ESYT2: variants seen among roughly 807,000 people sequenced by gnomAD.
The protein encoded by ESYT2 is extended synaptotagmin-2.
A neutral mutation model predicts 107.2 loss-of-function variants in ESYT2; 54 were observed. The ratio of observed to expected loss-of-function variants is 0.50; its 90% CI spans 0.40 to 0.63. The LOEUF (loss-of-function observed/expected upper bound fraction) is 0.63. Ranked by LOEUF, ESYT2 falls within the 30% of genes least tolerant of loss-of-function variation. The pLI is 0.00. For synonymous variants in ESYT2, 491 were observed against 434.1 expected, an observed-to-expected ratio of 1.13 and a Z score of -1.63; for missense variants, 1,020 against 1,094.5, an observed-to-expected ratio of 0.93 and a Z score of 0.96.
chr7:158,811,896 G>A (rs1840003809), intron 1 of ESYT2, among the ~76,000 whole-genome samples: 1 of 152,240 alleles, frequency 6.6e-6, no homozygotes, highest in Non-Finnish European at 1.5e-5. Context: ...AGAGGAATTT[G>A]CTAAATTCCT....
intron 1 of ESYT2, among the ~76,000 whole-genome samples, chr7:158,815,937 T>C (rs1241929896): frequency 6.6e-6 from 1 of 152,192 alleles, no homozygotes; most frequent in Non-Finnish European, 1.5e-5. Flanking sequence ...TCCTGGCTCC[T>C]GAATACTCCA....
In ESYT2 at chr7:158,829,195, C is replaced by A. The variant is rs1349254365; in HGVS notation, c.224G>T (p.Arg75Leu). The change falls in exon 1 of 23, where the codon CGC becomes CTC. Residue 75 changes from arginine to leucine, a missense_variant. Transcript: ENST00000275418. ...GCGCAGGGCCTTGAGGCCGCGGCTGCGGCGACACCAGGCGAGCAGCGCGAG... is the reference window on the plus strand; with the variant it reads ...GCGCAGGGCCTTGAGGCCGCGGCTGAGGCGACACCAGGCGAGCAGCGCGAG... ...LALALLAWCR[R>L]SRGLKALRLC... The A allele has an allele frequency of 2.6e-6, 4 of 1,533,466 alleles. No homozygotes were observed. Among genetic ancestry groups the A allele is most frequent in the Non-Finnish European group, 3.5e-6 (4 of 1,148,072 alleles). 95.0% of individuals were successfully genotyped at this position (1,533,466 alleles called of 1,614,324 possible). A position where few individuals can be genotyped will look rare whatever the true frequency, so the allele number is the denominator to read the frequency against.
At chr7:158,782,591 T>C (rs1838942474) in intron 6 of ESYT2, among the ~76,000 whole-genome samples, 1 of 80,088 alleles carries the variant, frequency 1.2e-5, no homozygotes, top group Non-Finnish European at 3.8e-5. Flanking sequence ...AGAATGAGTG[T>C]GAAGGAACAA....
Position 158,739,086 on chromosome 7 carries a change from A to C in ESYT2, c.2204T>G (p.Ile735Ser). 1.2e-6 allele frequency: 2 copies of C among 1,614,114 alleles called. No homozygotes were observed. Among genetic ancestry groups the C allele is most frequent in the African/African-American group, 1.3e-5 (1 of 75,060 alleles). Residue 735 changes from isoleucine to serine, a missense_variant, in exon 19 of 23, where the codon ATC becomes AGC. Physicochemically the swap from Ile to Ser is moderately radical, Grantham distance 142 (BLOSUM62 -2). Coordinates refer to ENST00000275418, the MANE Select transcript of ESYT2 (RefSeq NM_001367773.1). ...TTLGQSPLGQ[I>S]QLTIRHSSQR... Reference sequence around the variant, plus strand: ...CGAGCTGTGCCGGATGGTCAGCTGGATCTGCCCCAGTGGAGACTGTCCCAG... The same window carrying C: ...CGAGCTGTGCCGGATGGTCAGCTGGCTCTGCCCCAGTGGAGACTGTCCCAG...
At chr7:158,813,223 C>G (rs916179220) in intron 1 of ESYT2, among the ~76,000 whole-genome samples, 2 of 152,004 alleles carry the variant, frequency 1.3e-5, no homozygotes, top group Non-Finnish European at 2.9e-5. Context: ...CTAGAAAGGG[C>G]AAAACTATGT....
At chr7:158,737,924 AGT>A in intron 19 of ESYT2, among the ~76,000 whole-genome samples, 1 of 152,364 alleles carries the variant, frequency 6.6e-6, no homozygotes, top group Non-Finnish European at 1.5e-5. Context: ...TTAATGCAAC[AGT>A]CACCTGACTT....
intron 1 of ESYT2, among the ~76,000 whole-genome samples, chr7:158,828,518 G>C (rs1840521772): frequency 6.6e-6 from 1 of 152,214 alleles, no homozygotes; most frequent in African/African-American, 2.4e-5. Context: ...TGCAGGCCGG[G>C]GGAGGGAAGC....
intron 13 of ESYT2, among the ~76,000 whole-genome samples, chr7:158,753,808 C>T (rs1433658757): frequency 6.6e-6 from 1 of 151,924 alleles, no homozygotes; most frequent in Non-Finnish European, 1.5e-5. Flanking sequence ...GGAGCCTGGA[C>T]AAGGGCATCC....
rs184215370 is a variant in ESYT2 at position 158,802,999 on chromosome 7, C to G, written c.331-3927G>C. The stretch of plus-strand genomic sequence containing the variant: ...ATTTTAAAAAGAAAAAAACAAAACA[C>G]ACAAAATTCTTACTGGAAGCAATGG... On this transcript the variant is annotated intron_variant, in intron 1 of 22. Transcript: ENST00000275418. Among the ~76,000 whole-genome samples the G allele has an allele frequency of 1.3e-3, 194 of 152,340 alleles. 1 individual carries two copies. Among genetic ancestry groups the G allele is most frequent in the Non-Finnish European group, 2.2e-3 (149 of 68,034 alleles).
At chr7:158,770,317 T>C (rs1417098905) in intron 7 of ESYT2, among the ~76,000 whole-genome samples, 1 of 80,696 alleles carries the variant, frequency 1.2e-5, no homozygotes, top group Non-Finnish European at 3.8e-5. Flanking sequence ...GTACATAACA[T>C]TTATGTAAAC....
chr7:158,808,891 G>A lies in ESYT2; in HGVS notation c.331-9819C>T, dbSNP rs117366677. Among the ~76,000 whole-genome samples the A allele has an allele frequency of 4.5e-3, 686 of 152,078 alleles. 43 individuals are homozygous for A. The East Asian group carries it at 0.12, about 26-fold the overall frequency. On this transcript the variant is annotated intron_variant, in intron 1 of 22. Transcript: ENST00000275418. ...TGGGAGGGGCTGAGCCACGAGAATT[G>A]CTTGAACTCGGGTGGCAGAGGTTGC...
chr7:158,739,852 G>A (rs1030177695), intron 18 of ESYT2, among the ~76,000 whole-genome samples: 8 of 152,144 alleles, frequency 5.3e-5, no homozygotes, highest in East Asian at 3.8e-4. Flanking sequence ...AGCAGAGATC[G>A]TTAAGACTGA....
chr7:158,797,920 G>A (rs757967891), intron 3 of ESYT2, 22 bp downstream of exon 3: 2 of 1,610,076 alleles, frequency 1.2e-6, no homozygotes, highest in Non-Finnish European at 1.7e-6. Context: ...GTGCACGTGA[G>A]GATACTTAAG....
At chr7:158,803,169 C>G (rs1349923282) in intron 1 of ESYT2, among the ~76,000 whole-genome samples, 1 of 152,232 alleles carries the variant, frequency 6.6e-6, no homozygotes, top group East Asian at 1.9e-4. Context: ...CGCCGTTCCC[C>G]GGAGCACACC....
intron 1 of ESYT2, among the ~76,000 whole-genome samples, chr7:158,804,631 CGT>C: frequency 6.8e-6 from 1 of 147,836 alleles, no homozygotes; most frequent in African/African-American, 2.5e-5. Flanking sequence ...AGGTGAGGCG[CGT>C]GACAAACCCA....
intron 8 of ESYT2, among the ~76,000 whole-genome samples, chr7:158,766,848 C>T (rs1376849110): frequency 1.3e-5 from 2 of 152,324 alleles, no homozygotes; most frequent in East Asian, 3.9e-4. Flanking sequence ...CAGACTTAAA[C>T]AGACATGGGA....
intron 1 of ESYT2, 21 bp from the exon 2 acceptor site, chr7:158,799,093 T>C (rs1839558308): frequency 6.2e-7 from 1 of 1,607,248 alleles, no homozygotes; most frequent in Non-Finnish European, 8.5e-7. Context: ...AATACACACA[T>C]ATGACTTATT....
In ESYT2 at chr7:158,739,004, G is replaced by A. The variant is rs768018220; in HGVS notation, c.2267+19C>T. 70 of 1,612,358 alleles carry A rather than the reference G, an allele frequency of 4.3e-5. No homozygotes were observed. The highest frequency in any genetic ancestry group is 6.7e-5 in the East Asian group (3 of 44,846). ...CACTCAGCAGCACAGCAGCGGGCGC[G>A]TGGGACCCCAGCCCCCACCTGCAGG... is the stretch of plus-strand genomic sequence containing the variant. On this transcript the variant is annotated intron_variant, in intron 19 of 22. Transcript: ENST00000275418.
intron 1 of ESYT2, among the ~76,000 whole-genome samples, chr7:158,809,257 CACA>C (rs1839922210): frequency 6.6e-6 from 1 of 151,930 alleles, no homozygotes; most frequent in Non-Finnish European, 1.5e-5. Flanking sequence ...GCGGGCGGAT[CACA>C]ACGTCAAGAG....
Sources: gnomAD v4.1 joint callset for allele counts (sites outside exome capture counted in the v4.1 genomes callset) on GRCh38, gnomAD v4.1.1 for gene constraint, MANE v1.5 for transcripts, NCBI Gene and HGNC (gene_info 2026-07-23, HGNC 2026-07-21) for gene names.